Variants in BFSP2 observed in about 807,000 individuals in gnomAD.
BFSP2 encodes phakinin.
A neutral mutation model predicts 44.9 loss-of-function variants in BFSP2; 38 were observed. The observed-to-expected ratio is 0.85, with a 90% CI of 0.65 to 1.11. The LOEUF (loss-of-function observed/expected upper bound fraction) is 1.11, where lower values mean the gene tolerates loss of function less well. Ranked by LOEUF, BFSP2 falls within the 50% of genes least tolerant of loss-of-function variation. The pLI is 0.00. For synonymous variants in BFSP2, 197 were observed against 209.9 expected (o/e 0.94, Z 0.53); for missense variants, 525 against 533.0 (o/e 0.99, Z 0.15).
At position 133,458,988 on chromosome 3, in the gene BFSP2, G is replaced by A. The variant is rs763747689; in HGVS notation, c.892-7840G>A. On this transcript the variant is annotated intron_variant, in intron 4 of 6. Transcript: ENST00000302334. Reference sequence around the variant, plus strand: ...AAAGAACGCTCGTCCCAGACTACCTGACTGTGCTGATCTCAAAGCATACCT... The same window carrying A: ...AAAGAACGCTCGTCCCAGACTACCTAACTGTGCTGATCTCAAAGCATACCT... Among the ~76,000 whole-genome samples the A allele has an allele frequency of 6.1e-4, 93 of 152,272 alleles. 1 individual carries two copies. The highest frequency in any genetic ancestry group is 2.7e-3 in the Admixed American group (42 of 15,286).
intron 4 of BFSP2, among the ~76,000 whole-genome samples, chr3:133,450,910 T>C (rs544100575): frequency 2.0e-5 from 3 of 152,166 alleles, no homozygotes; most frequent in Admixed American, 6.5e-5. Context: ...AGGAGATCGA[T>C]ACCATCCTGG....
chr3:133,411,858 G>A (rs1452650630), intron 1 of BFSP2, among the ~76,000 whole-genome samples: 1 of 152,092 alleles, frequency 6.6e-6, no homozygotes, highest in African/African-American at 2.4e-5. Flanking sequence ...AAGCAAGATG[G>A]TAAGAGAAAT....
At chr3:133,436,628 T>C in intron 1 of BFSP2, among the ~76,000 whole-genome samples, 1 of 152,230 alleles carries the variant, frequency 6.6e-6, no homozygotes, top group East Asian at 1.9e-4. Flanking sequence ...TATTATACTT[T>C]AAGTTCTAGG....
rs544492684 is a variant in BFSP2, at chr3:133,429,898, C to G, written c.490-17419C>G. Reference sequence around the variant, plus strand: ...TTAGGTATATCTCCTAATGCTATCCCTCCCCACTACCCCCACCCCACAACA... The same window carrying G: ...TTAGGTATATCTCCTAATGCTATCCGTCCCCACTACCCCCACCCCACAACA... On this transcript the variant is annotated intron_variant, in intron 1 of 6. Coordinates refer to ENST00000302334, the MANE Select transcript of BFSP2 (RefSeq NM_003571.4). Among the ~76,000 whole-genome samples, 3 of 151,604 alleles carry G rather than the reference C, an allele frequency of 2.0e-5. No homozygotes were observed. In the East Asian group the frequency reaches 5.8e-4, roughly 29 times the overall value.
Position 133,400,655 on chromosome 3 carries a change from GAGGCCAGAGAAACTGACCATAAT to G in BFSP2, c.489+84_489+106del. 6 of 1,536,736 alleles carry G rather than the reference GAGGCCAGAGAAACTGACCATAAT, an allele frequency of 3.9e-6. No homozygotes were observed. Among genetic ancestry groups the G allele is most frequent in the Non-Finnish European group, 5.3e-6 (6 of 1,138,370 alleles). On this transcript the variant is annotated intron_variant, in intron 1 of 6. Coordinates refer to ENST00000302334, the MANE Select transcript of BFSP2 (RefSeq NM_003571.4). The surrounding 1 kb of genome is among the most constrained non-coding windows in gnomAD (Gnocchi z 4.0). ...CAGCGGGTAGGGTTGTGAGTAGGCTGAGGCCAGAGAAACTGACCATAATCCCCTACACTTTCACACTTAAAATG... is the reference window on the plus strand; with the variant it reads ...CAGCGGGTAGGGTTGTGAGTAGGCTGCCCCTACACTTTCACACTTAAAATG...
At chr3:133,427,727 G>A (rs1482852589) in intron 1 of BFSP2, among the ~76,000 whole-genome samples, 2 of 152,200 alleles carry the variant, frequency 1.3e-5, no homozygotes, top group East Asian at 1.9e-4. Flanking sequence ...ATCAATTGAG[G>A]TTATGTTTCT....
chr3:133,415,099 C>T (rs2073504927), intron 1 of BFSP2, among the ~76,000 whole-genome samples: 1 of 140,252 alleles, frequency 7.1e-6, no homozygotes, highest in Non-Finnish European at 1.6e-5. Flanking sequence ...CCCCTCTACT[C>T]AGCCCTGCCT....
At chr3:133,457,996 A>T (rs1448174158) in intron 4 of BFSP2, among the ~76,000 whole-genome samples, 1 of 152,254 alleles carries the variant, frequency 6.6e-6, no homozygotes, top group Non-Finnish European at 1.5e-5. Flanking sequence ...TATCTGTTAA[A>T]TGAACTTATA....
Position 133,448,579 on chromosome 3 carries a change from G to A in BFSP2, c.663G>A (p.Met221Ile). 1 of 1,614,086 alleles carries A rather than the reference G, an allele frequency of 6.2e-7. No homozygotes were observed. The highest frequency in any genetic ancestry group is 8.5e-7 in the Non-Finnish European group (1 of 1,180,002). Residue 221 changes from methionine (M) to isoleucine (I), a missense_variant, in exon 3 of 7, where the codon ATG (methionine) becomes ATA (isoleucine). By Grantham distance (10) the Met-to-Ile change is conservative. Coordinates refer to ENST00000302334, the MANE Select transcript of BFSP2 (RefSeq NM_003571.4). ...TTGATGAGGCTAATTTGACTAAAAT[G>A]GACCTGGAGAGTCAAATAGAAAGTC... Reference protein sequence around the residue: ...KVIDEANLTKMDLESQIESLK... With the variant: ...KVIDEANLTKIDLESQIESLK...
At chr3:133,446,610 A>T (rs865836826) in intron 1 of BFSP2, among the ~76,000 whole-genome samples, 1 of 48,216 alleles carries the variant, frequency 2.1e-5, no homozygotes, top group Admixed American at 2.2e-4. Context: ...ATATATATAT[A>T]TATATATATA....
At chr3:133,428,803 G>A (rs73211869) in intron 1 of BFSP2, among the ~76,000 whole-genome samples, 28,425 of 152,132 alleles carry the variant, frequency 0.19, 4,022 homozygotes, top group African/African-American at 0.4. Context: ...CTTCCATACC[G>A]CCTGCCCTCG....
intron 4 of BFSP2, chr3:133,455,294 A>T (rs2074003587): frequency 6.6e-6 from 1 of 152,222 alleles, no homozygotes; most frequent in Non-Finnish European, 1.5e-5. Flanking sequence ...CTGCATCATC[A>T]CAGGGTCTCA....
chr3:133,410,448 A>G (rs2073441193), intron 1 of BFSP2: 1 of 276,254 alleles, frequency 3.6e-6, no homozygotes. Flanking sequence ...CAGCCCTGGG[A>G]AACCCCAGGC....
At chr3:133,449,500 TTTTGTTTGTTTGTTTGTTTG>T (rs144765332) in intron 3 of BFSP2, among the ~76,000 whole-genome samples, 1 of 150,852 alleles carries the variant, frequency 6.6e-6, no homozygotes, top group Non-Finnish European at 1.5e-5. Context: ...ACATGTGGTT[TTTTGTTTGTTTGTTTGTTTG>T]TTTGTTTGTT....
At chr3:133,450,847 C>T (rs1201801299) in intron 4 of BFSP2, among the ~76,000 whole-genome samples, 2 of 152,152 alleles carry the variant, frequency 1.3e-5, no homozygotes, top group East Asian at 3.8e-4. Context: ...CGTGGTAGCT[C>T]ACGCCTGTAA....
chr3:133,431,077 TGGTTCGTTC>T (rs201786622), intron 1 of BFSP2, among the ~76,000 whole-genome samples: 79,683 of 150,874 alleles, frequency 0.53, 23,610 homozygotes, highest in East Asian at 0.75. Context: ...GCCCAGTTCA[TGGTTCGTTC>T]GGCAGCAACC....
chr3:133,415,629 C>T (rs1400809124), intron 1 of BFSP2, among the ~76,000 whole-genome samples: 3 of 128,276 alleles, frequency 2.3e-5, no homozygotes, highest in Non-Finnish European at 4.9e-5. Flanking sequence ...TCCCTGCCCT[C>T]TCCCCTCTAC....
At chr3:133,403,791 G>C (rs1379229403) in intron 1 of BFSP2, among the ~76,000 whole-genome samples, 2 of 152,090 alleles carry the variant, frequency 1.3e-5, no homozygotes, top group African/African-American at 4.8e-5. Flanking sequence ...GGGGTCCCCT[G>C]TCCCCTGGAA....
chr3:133,425,555 G>A (rs1307610568), intron 1 of BFSP2, among the ~76,000 whole-genome samples: 1 of 152,114 alleles, frequency 6.6e-6, no homozygotes, highest in East Asian at 1.9e-4. Flanking sequence ...CTCGTTTTAA[G>A]CCACAAAACA....
Sources: gnomAD v4.1 joint callset for allele counts (sites outside exome capture counted in the v4.1 genomes callset) on GRCh38, gnomAD v4.1.1 for gene constraint, Gnocchi (gnomAD v3.1) non-coding constraint, MANE v1.5 for transcripts, NCBI Gene and HGNC (gene_info 2026-07-23, HGNC 2026-07-21) for gene names.